Variants in CTBP2 observed in about 807,000 individuals in gnomAD.
The protein encoded by CTBP2 is C-terminal binding protein 2.
In CTBP2, 30 loss-of-function variants were observed where a neutral mutation model predicts 80.3. The observed-to-expected ratio is 0.37, with a 90% confidence interval of 0.28 to 0.51. CTBP2 has a LOEUF of 0.51. CTBP2 is among the 20% of genes least tolerant of loss of function. CTBP2 has a pLI of 0.93. For synonymous variants in CTBP2, 594 were observed against 587.4 expected, an observed-to-expected ratio of 1.01 and a Z score of -0.16; for missense variants, 1,212 against 1,375.3, an observed-to-expected ratio of 0.88 and a Z score of 1.88.
At chr10:125,154,532 C>T (rs1019747232) in intron 1 of CTBP2, among the ~76,000 whole-genome samples, 2 of 152,206 alleles carry the variant, frequency 1.3e-5, no homozygotes, top group African/African-American at 4.8e-5. Context: ...TCTAGGCAAC[C>T]ATCTGTTAAA....
chr10:125,030,899 C>A (rs1262784025), upstream of CTBP2, among the ~76,000 whole-genome samples: 2 of 152,140 alleles, frequency 1.3e-5, no homozygotes, highest in Admixed American at 1.3e-4. Context: ...CCTGCCTCCA[C>A]CAACACAAAG....
At chr10:125,031,475 C>T (rs1450332741), upstream of CTBP2, among the ~76,000 whole-genome samples, 4 of 96,728 alleles carry the variant, frequency 4.1e-5, no homozygotes, top group Non-Finnish European at 7.4e-5. Context: ...GGCAACAGAG[C>T]AAGACTCCAT....
At chr10:125,115,789 G>A (rs1853152961) in intron 1 of CTBP2, among the ~76,000 whole-genome samples, 1 of 152,150 alleles carries the variant, frequency 6.6e-6, no homozygotes, top group Admixed American at 6.5e-5. Flanking sequence ...TCCCTTGAAA[G>A]GTGGCCTCAC....
intron 8 of CTBP2, among the ~76,000 whole-genome samples, chr10:124,990,419 C>T (rs1232974756): frequency 1.3e-5 from 2 of 152,208 alleles, no homozygotes; most frequent in Non-Finnish European, 2.9e-5. Context: ...TTATATAAAA[C>T]ACTGGCAACT....
In CTBP2 at chr10:125,069,244, T is replaced by C. The variant is rs182972870; in HGVS notation, c.-101-30089A>G. Among the ~76,000 whole-genome samples the C allele has an allele frequency of 3.3e-5, 5 of 152,356 alleles. No individual in the cohort carries two copies. The East Asian group carries it at 9.6e-4, about 29-fold the overall frequency. The stretch of plus-strand genomic sequence containing the variant: ...CACTACAAATTGCGTTATGATTTTA[T>C]AAAGCTTTAAATTCCAAAATCAGTA... On this transcript the variant is annotated intron_variant, in intron 2 of 10. Transcript: ENST00000337195.
intron 3 of CTBP2, among the ~76,000 whole-genome samples, chr10:125,002,381 A>T (rs1177991388): frequency 2.0e-5 from 3 of 152,216 alleles, no homozygotes; most frequent in Admixed American, 1.3e-4. Flanking sequence ...GCAGCTTTGA[A>T]GCCCCCAACT....
At chr10:125,052,141 A>C (rs1962930632) in intron 2 of CTBP2, among the ~76,000 whole-genome samples, 1 of 152,140 alleles carries the variant, frequency 6.6e-6, no homozygotes, top group Non-Finnish European at 1.5e-5. Flanking sequence ...CGCTGCTGAG[A>C]CCTGCAAGCT....
intron 8 of CTBP2, 45 bp downstream of exon 10, chr10:124,992,650 G>T (rs3213907): frequency 1.4e-6 from 2 of 1,435,512 alleles, no homozygotes; most frequent in South Asian, 2.5e-5. Context: ...TGGCCCCGGG[G>T]CCGTGGTGCT....
rs1951994457 is a variant in CTBP2, at chr10:124,984,713, T to A, written c.*4805A>T. The A allele has an allele frequency of 1.3e-6, 2 of 1,538,234 alleles. No homozygotes were observed. The highest frequency in any genetic ancestry group is 2.4e-5 in the South Asian group (2 of 82,022). ...ACCAGCTGTAGGTTTCCATGTCACA[T>A]TCCTACCAAGTCTCTGATCTGTTGT... On this transcript the variant is annotated 3_prime_UTR_variant, in exon 9 of 9. Transcript: ENST00000309035.
chr10:125,031,345 C>T (rs938434987), upstream of CTBP2, among the ~76,000 whole-genome samples: 36 of 151,738 alleles, frequency 2.4e-4, no homozygotes, highest in African/African-American at 7.0e-4. Flanking sequence ...AAAAATTAGC[C>T]GGGCGTGGTG....
In CTBP2 at chr10:125,144,679, G is replaced by T. The variant is rs368596325; in HGVS notation, c.-206+15640C>A. Among the ~76,000 whole-genome samples, 344 of 152,334 alleles carry T rather than the reference G, an allele frequency of 2.3e-3. 3 individuals are homozygous for T. Among genetic ancestry groups the T allele is most frequent in the Middle Eastern group, 0.01 (3 of 294 alleles). On this transcript the variant is annotated intron_variant, in intron 1 of 10. Coordinates refer to the CTBP2 transcript ENST00000337195. ...TCCTGAAGGTTAAGCATATTTGCCTGCAGTGGGAAGTAAATGCACCTTTTG... is the reference window on the plus strand; with the variant it reads ...TCCTGAAGGTTAAGCATATTTGCCTTCAGTGGGAAGTAAATGCACCTTTTG...
Position 124,998,152 on chromosome 10 carries a change from A to G in CTBP2, c.1997T>C (p.Ile666Thr). The change falls in exon 4 of 9, where the codon ATC (isoleucine) becomes ACC (threonine). Residue 666 changes from isoleucine (I) to threonine (T), a missense_variant. Physicochemically the swap from Ile to Thr is moderately conservative, Grantham distance 89. Around this residue, in one of 3 missense-constraint regions of CTBP2, gnomAD observed 335 missense variants for 504.7 expected, o/e 0.66. Transcript: ENST00000309035. ...TGTCTCTTCCACGGCTGCAGACGGG[A>G]TGTTGCACACGGCAATTCCTGAAAG... The G allele has an allele frequency of 6.2e-7, 1 of 1,608,636 alleles. No individual in the cohort carries two copies. Among genetic ancestry groups the G allele is most frequent in the African/African-American group, 1.3e-5 (1 of 75,040 alleles).
chr10:125,159,073 T>A (rs1861461058), intron 1 of CTBP2, among the ~76,000 whole-genome samples: 1 of 150,804 alleles, frequency 6.6e-6, no homozygotes, highest in African/African-American at 2.4e-5. Context: ...CGCGCGCCTC[T>A]GCCCAACTCG....
upstream of CTBP2, among the ~76,000 whole-genome samples, chr10:125,161,777 T>C (rs1294515233): frequency 1.3e-5 from 2 of 150,360 alleles, no homozygotes; most frequent in Non-Finnish European, 3.0e-5. Context: ...AGAAGCCCTG[T>C]GTTGGGTCGG....
In CTBP2 at chr10:125,014,313, G is replaced by T. The variant is rs112211310; in HGVS notation, c.1679-10821C>A. Among the ~76,000 whole-genome samples, 428 of 152,302 alleles carry T rather than the reference G, an allele frequency of 2.8e-3. 1 individual carries two copies. The highest frequency in any genetic ancestry group is 9.1e-3 in the African/African-American group (378 of 41,564). On this transcript the variant is annotated intron_variant, in intron 1 of 8. Coordinates refer to ENST00000309035, the MANE Select transcript of CTBP2 (RefSeq NM_022802.3). Reference sequence around the variant, plus strand: ...CCCATCTCTACAAAATTTACTGGGCGTGGTGCCACGTGCCTGTAGTCCCAG... The same window carrying T: ...CCCATCTCTACAAAATTTACTGGGCTTGGTGCCACGTGCCTGTAGTCCCAG...
At chr10:125,035,101 T>C (rs766815326) in intron 3 of CTBP2, among the ~76,000 whole-genome samples, 10 of 152,116 alleles carry the variant, frequency 6.6e-5, no homozygotes, top group Non-Finnish European at 1.2e-4. Flanking sequence ...AGAGACCCAC[T>C]GGGGAAACTC....
intron 2 of CTBP2, among the ~76,000 whole-genome samples, chr10:125,071,059 A>G (rs1845407503): frequency 6.6e-6 from 1 of 152,290 alleles, no homozygotes; most frequent in African/African-American, 2.4e-5. Context: ...AATTCTGAGC[A>G]GATGCTGCTC....
In CTBP2 at chr10:125,027,293, G is replaced by C. The variant is rs1564743425; in HGVS notation, c.467C>G (p.Pro156Arg). The C allele has an allele frequency of 1.2e-6, 2 of 1,613,780 alleles. No homozygotes were observed. The highest frequency in any genetic ancestry group is 1.7e-6 in the Non-Finnish European group (2 of 1,180,000). Residue 156 changes from proline to arginine, a missense_variant, in exon 1 of 9, where the codon CCT becomes CGT. Transcript: ENST00000309035. ...CAGGTGACCGGCGTCCTGCAGGGCA[G>C]GTGACCGGCCTTGCATTGGATCCCA...
At chr10:125,029,223 A>C (rs998819379), upstream of CTBP2, among the ~76,000 whole-genome samples, 6 of 150,566 alleles carry the variant, frequency 4.0e-5, no homozygotes, top group African/African-American at 7.4e-5. Context: ...CCAGTCTTTA[A>C]ATTTTTTTTT....
Sources: allele counts gnomAD v4.1 joint callset (sites outside exome capture counted in the v4.1 genomes callset), GRCh38; gene constraint gnomAD v4.1.1; regional missense constraint gnomAD v4.1.1; transcripts MANE v1.5; gene names NCBI Gene and HGNC (gene_info 2026-07-23, HGNC 2026-07-21).